LRRC4C: variants seen among roughly 807,000 people sequenced by gnomAD.
The protein encoded by LRRC4C is leucine-rich repeat-containing protein 4C.
In LRRC4C, 5 loss-of-function variants were observed where a neutral mutation model predicts 33.6. The observed-to-expected ratio is 0.15, with a 90% CI of 0.08 to 0.31. The LOEUF (loss-of-function observed/expected upper bound fraction) is 0.31. Ranked by LOEUF, LRRC4C falls within the 10% of genes least tolerant of loss-of-function variation. The probability of loss-of-function intolerance (pLI) is 1.00; values close to 1 mark genes in which losing one functional copy is unlikely to be tolerated. For synonymous variants in LRRC4C, 329 were observed against 302.0 expected, an observed-to-expected ratio of 1.09 and a Z score of -0.93; for missense variants, 560 against 796.7, an observed-to-expected ratio of 0.70 and a Z score of 3.58.
At chr11:41,413,921 C>G (rs998653260) in intron 1 of LRRC4C, among the ~76,000 whole-genome samples, 7 of 152,118 alleles carry the variant, frequency 4.6e-5, no homozygotes, top group African/African-American at 1.4e-4. Context: ...AATGAGATAT[C>G]TAACTTGGAG....
At chr11:41,111,514 AT>A (rs1157318760) in intron 1 of LRRC4C, among the ~76,000 whole-genome samples, 1 of 152,032 alleles carries the variant, frequency 6.6e-6, no homozygotes, top group Non-Finnish European at 1.5e-5. Flanking sequence ...TGAAAATACA[AT>A]TTGTTTTTCA....
At chr11:41,025,032 A>C (rs1171449077) in intron 1 of LRRC4C, among the ~76,000 whole-genome samples, 2 of 151,502 alleles carry the variant, frequency 1.3e-5, no homozygotes, top group South Asian at 4.1e-4. Context: ...AGCATACATA[A>C]TAGATAAATG....
At chr11:40,801,631 CTA>C (rs1951046373) in intron 2 of LRRC4C, among the ~76,000 whole-genome samples, 1 of 152,072 alleles carries the variant, frequency 6.6e-6, no homozygotes, top group Non-Finnish European at 1.5e-5. Flanking sequence ...TTAATACCAT[CTA>C]TGTTTATATC....
At chr11:40,674,889 A>G (rs1944317941) in intron 2 of LRRC4C, among the ~76,000 whole-genome samples, 1 of 152,140 alleles carries the variant, frequency 6.6e-6, no homozygotes, top group Admixed American at 6.5e-5. Flanking sequence ...CTGAGTTTCA[A>G]AGAGTTTGAG....
At chr11:40,852,001 T>G (rs185258853) in intron 2 of LRRC4C, among the ~76,000 whole-genome samples, 169 of 152,226 alleles carry the variant, frequency 1.1e-3, no homozygotes, top group Non-Finnish European at 1.1e-3. Context: ...TTAAAAAAAT[T>G]TTTTAATAGT....
At chr11:40,437,969 G>T (rs1951217060) in intron 3 of LRRC4C, among the ~76,000 whole-genome samples, 1 of 152,168 alleles carries the variant, frequency 6.6e-6, no homozygotes, top group Non-Finnish European at 1.5e-5. Flanking sequence ...CAAAGTGCTG[G>T]GATTACAGAC....
Position 40,763,786 on chromosome 11 carries a change from T to C in LRRC4C, c.-406-115508A>G, listed in dbSNP as rs137941584. 2.4e-3 allele frequency among the ~76,000 whole-genome samples: 364 copies of C among 152,246 alleles called. 3 individuals carry two copies. Among genetic ancestry groups the C allele is most frequent in the African/African-American group, 7.1e-3 (296 of 41,542 alleles). On this transcript the variant is annotated intron_variant, in intron 2 of 6. Coordinates refer to ENST00000528697, the MANE Select transcript of LRRC4C (RefSeq NM_001258419.2). ...TAGACCATCCCTAGCCAGAGACAAG[T>C]TGTCCATTTCAGTAGTCAGAACCTA...
At chr11:40,430,664 A>G (rs1950886420) in intron 3 of LRRC4C, among the ~76,000 whole-genome samples, 1 of 152,044 alleles carries the variant, frequency 6.6e-6, no homozygotes, top group South Asian at 2.1e-4. Flanking sequence ...CTACATATAT[A>G]TATTTTTAAT....
At chr11:40,264,870 A>G (rs1035110854) in intron 4 of LRRC4C, among the ~76,000 whole-genome samples, 14 of 152,206 alleles carry the variant, frequency 9.2e-5, no homozygotes, top group African/African-American at 3.1e-4. Flanking sequence ...TGTAACATAC[A>G]CAGATCATCC....
At chr11:40,329,217 A>G (rs1182385355) in intron 3 of LRRC4C, among the ~76,000 whole-genome samples, 1 of 152,252 alleles carries the variant, frequency 6.6e-6, no homozygotes, top group East Asian at 1.9e-4. Flanking sequence ...GCTGGGTGCA[A>G]CATTAAGATT....
chr11:40,774,273 T>G (rs1949886018), intron 2 of LRRC4C, among the ~76,000 whole-genome samples: 1 of 152,104 alleles, frequency 6.6e-6, no homozygotes, highest in Non-Finnish European at 1.5e-5. Context: ...ATGCTTCCAC[T>G]TTGCTACAGG....
At chr11:41,225,296 C>A (rs549220427) in intron 1 of LRRC4C, among the ~76,000 whole-genome samples, 3 of 152,050 alleles carry the variant, frequency 2.0e-5, no homozygotes, top group Non-Finnish European at 4.4e-5. Context: ...AAAAGAGTTA[C>A]AAACTGGATT....
At position 41,448,122 on chromosome 11, in the gene LRRC4C, G is replaced by GGTTTTTTTTTTTT. The variant is rs1554934483; in HGVS notation, c.-496+11308_-496+11309insAAAAAAAAAAAAC. 9.8e-4 allele frequency among the ~76,000 whole-genome samples: 46 copies of GGTTTTTTTTTTTT among 46,940 alleles called. 5 individuals are homozygous for GGTTTTTTTTTTTT. Among genetic ancestry groups the GGTTTTTTTTTTTT allele is most frequent in the Non-Finnish European group, 1.7e-3 (38 of 22,912 alleles). The allele number at this position is 46,940 out of a possible 152,430, so 30.8% of individuals were successfully genotyped here. ...ACAAACGAGGCTGCTGCACACGTCT[G>GGTTTTTTTTTTTT]TTTTTTTTTTTTTTTTTTTTGGAGC... On this transcript the variant is annotated intron_variant, in intron 1 of 6. Transcript: ENST00000528697.
intron 1 of LRRC4C, among the ~76,000 whole-genome samples, chr11:40,999,203 C>T (rs1196519194): frequency 6.6e-6 from 1 of 152,084 alleles, no homozygotes; most frequent in Non-Finnish European, 1.5e-5. Context: ...CTGTAAATGT[C>T]TCCTGGTATT....
chr11:40,518,393 A>C (rs1457320531), intron 3 of LRRC4C, among the ~76,000 whole-genome samples: 1 of 152,168 alleles, frequency 6.6e-6, no homozygotes, highest in Non-Finnish European at 1.5e-5. Context: ...GAATCTACAA[A>C]GAAGTTAAAC....
In LRRC4C at chr11:40,401,408, C is replaced by T. The variant is rs145464884; in HGVS notation, c.-269-81687G>A. ...TACTCTGAATTCACTAATAGGTTTA[C>T]AGGATGTGGTTCATGCAAACATGTG... is the stretch of plus-strand genomic sequence containing the variant. On this transcript the variant is annotated intron_variant, in intron 3 of 6. Transcript: ENST00000528697. 9.9e-5 allele frequency among the ~76,000 whole-genome samples: 15 copies of T among 152,216 alleles called. No homozygotes were observed. In the East Asian group the frequency reaches 2.7e-3, roughly 27 times the overall value.
At chr11:41,070,479 C>T (rs1280343781) in intron 1 of LRRC4C, among the ~76,000 whole-genome samples, 1 of 152,028 alleles carries the variant, frequency 6.6e-6, no homozygotes, top group Admixed American at 6.6e-5. Context: ...AATGAAAAGG[C>T]AATCTACAGA....
chr11:40,142,049 G>A (rs1014297513), intron 5 of LRRC4C, among the ~76,000 whole-genome samples: 2 of 152,150 alleles, frequency 1.3e-5, no homozygotes, highest in South Asian at 2.1e-4. Context: ...CTCGGAGGCC[G>A]AGGTGGGTGG....
chr11:40,986,989 T>G (rs1004328084), intron 1 of LRRC4C, among the ~76,000 whole-genome samples: 6 of 152,226 alleles, frequency 3.9e-5, no homozygotes, highest in Non-Finnish European at 8.8e-5. Flanking sequence ...TCAGCTATAG[T>G]GATGGGGTGC....
Sources: allele counts gnomAD v4.1 joint callset (sites outside exome capture counted in the v4.1 genomes callset), GRCh38; gene constraint gnomAD v4.1.1; transcripts MANE v1.5; gene names NCBI Gene and HGNC (gene_info 2026-07-23, HGNC 2026-07-21).